The following SH3D19 variants were observed in gnomAD, a reference collection of about 807,000 sequenced individuals.
SH3D19 encodes the protein SH3 domain-containing protein 19.
In SH3D19, 58 loss-of-function variants were observed where a neutral mutation model predicts 112.1. That is an observed-to-expected ratio of 0.52 (90% CI 0.42 to 0.64). The LOEUF (loss-of-function observed/expected upper bound fraction) is 0.64. Among genes scored for constraint, SH3D19 ranks in the 30% least tolerant of loss-of-function variants. SH3D19 has a pLI of 0.00. For missense variants in SH3D19, 1,090 were observed against 1,263.4 expected (o/e 0.86, Z 2.08); for synonymous variants, 391 against 448.5 (o/e 0.87, Z 1.62).
chr4:151,238,491 T>C (rs1240074332), intron 1 of SH3D19, among the ~76,000 whole-genome samples: 2 of 152,242 alleles, frequency 1.3e-5, no homozygotes, highest in Non-Finnish European at 2.9e-5. Flanking sequence ...TTCTCTTCCA[T>C]TAGTTTTGTT....
At chr4:151,304,576 C>T (rs1728758842) in intron 1 of SH3D19, among the ~76,000 whole-genome samples, 1 of 152,192 alleles carries the variant, frequency 6.6e-6, no homozygotes, top group Admixed American at 6.5e-5. Context: ...GCAAAAGTGG[C>T]TAGCTAGAGG....
At chr4:151,255,506 G>A (rs1206794498) in intron 1 of SH3D19, among the ~76,000 whole-genome samples, 3 of 151,612 alleles carry the variant, frequency 2.0e-5, no homozygotes, top group African/African-American at 7.3e-5. Context: ...TCCTAGGTGA[G>A]ATGGCGGCCG....
intron 2 of SH3D19, among the ~76,000 whole-genome samples, chr4:151,222,140 T>C (rs987816913): frequency 2.6e-5 from 4 of 152,222 alleles, no homozygotes; most frequent in Non-Finnish European, 5.9e-5. Flanking sequence ...TGTCAGGAAA[T>C]TCTTCCTCAT....
At chr4:151,198,455 A>G (rs1391793660) in intron 2 of SH3D19, among the ~76,000 whole-genome samples, 1 of 145,624 alleles carries the variant, frequency 6.9e-6, no homozygotes, top group Non-Finnish European at 1.5e-5. Context: ...AAAAATATAT[A>G]TTTATCTTTA....
intron 14 of SH3D19, among the ~76,000 whole-genome samples, chr4:151,135,893 G>A (rs72965652): frequency 0.055 from 8,347 of 152,194 alleles, 700 homozygotes; most frequent in African/African-American, 0.19. Flanking sequence ...TTCTCGGGCT[G>A]AGCACAGTGG....
chr4:151,234,143 T>C (rs887909275), intron 1 of SH3D19, among the ~76,000 whole-genome samples: 3 of 152,198 alleles, frequency 2.0e-5, no homozygotes, highest in Non-Finnish European at 2.9e-5. Flanking sequence ...CTGCTCAACA[T>C]AGTCTTCTCC....
rs1751088901 is a variant in SH3D19, at chr4:151,133,143, A to G, written c.2580T>C (p.Tyr860=). ...CTCCTCTGGCCCATTCCTCATTCAC[A>G]TACTCTTTAAGAATAATAATTTCTC... is the stretch of plus-strand genomic sequence containing the variant. ...SEGEIIILKE[Y]VNEEWARGEV... is the part of the protein sequence containing the mutation. The change falls in exon 16 of 20, where the codon TAT becomes TAC. Residue 860 remains tyrosine (Y), a synonymous_variant. Transcript: ENST00000604030. 1.9e-6 allele frequency: 3 copies of G among 1,613,978 alleles called. No individual in the cohort carries two copies. Among genetic ancestry groups the G allele is most frequent in the African/African-American group, 1.3e-5 (1 of 74,892 alleles).
At chr4:151,137,920 A>T (rs1366828880) in intron 13 of SH3D19, 58 bp from the exon 14 acceptor site, 2 of 1,476,858 alleles carry the variant, frequency 1.4e-6, no homozygotes, top group African/African-American at 2.8e-5. Flanking sequence ...GATTTGATAA[A>T]AGCACAAAGT....
At position 151,175,149 on chromosome 4, in the gene SH3D19, G is replaced by A. The variant is rs563173361; in HGVS notation, c.1055C>T (p.Thr352Ile). The A allele has an allele frequency of 6.2e-7, 1 of 1,614,168 alleles. No individual in the cohort carries two copies. The highest frequency in any genetic ancestry group is 8.5e-7 in the Non-Finnish European group (1 of 1,180,016). ...GGAGGTCACCTTGAGTCTGTTCTCA[G>A]TCCCAGAGTCCCACTCTCCAGAAGC... ...NRASGEWDSG[T>I]ENRLKVTSKE... Residue 352 changes from threonine to isoleucine, a missense_variant, in exon 7 of 20, where the codon ACT becomes ATT. Coordinates refer to ENST00000604030, the MANE Select transcript of SH3D19 (RefSeq NM_001378122.1).
intron 1 of SH3D19, among the ~76,000 whole-genome samples, chr4:151,247,407 T>G (rs1771019622): frequency 6.6e-6 from 1 of 152,242 alleles, no homozygotes; most frequent in South Asian, 2.1e-4. Context: ...ACAACTTCTT[T>G]GTTTCATCAA....
intron 10 of SH3D19, 91 bp from the exon 11 acceptor site, chr4:151,148,277 AC>A: frequency 8.8e-7 from 1 of 1,137,114 alleles, no homozygotes; most frequent in African/African-American, 1.6e-5. Flanking sequence ...ACACACACAC[AC>A]ACACACACAC....
chr4:151,290,940 CTA>C (rs1775270584), intron 1 of SH3D19, among the ~76,000 whole-genome samples: 1 of 152,138 alleles, frequency 6.6e-6, no homozygotes, highest in Non-Finnish European at 1.5e-5. Context: ...AATTTCAATT[CTA>C]TGATTCTAAA....
rs575332488 is a variant in SH3D19 at position 151,319,136 on chromosome 4, C to T, written c.112+6105G>A. On this transcript the variant is annotated intron_variant, in intron 1 of 19. Transcript: ENST00000604030. Reference sequence around the variant, plus strand: ...TGTGATCTCAGTTCACTGCAACATCCACCTCCCTAGCAAGCGATTCTCCTG... The same window carrying T: ...TGTGATCTCAGTTCACTGCAACATCTACCTCCCTAGCAAGCGATTCTCCTG... Among the ~76,000 whole-genome samples, 7 of 152,236 alleles carry T rather than the reference C, an allele frequency of 4.6e-5. No individual in the cohort carries two copies. The South Asian group carries it at 1.2e-3, about 27-fold the overall frequency.
chr4:151,262,160 T>C (rs550583066), intron 1 of SH3D19, among the ~76,000 whole-genome samples: 4 of 152,336 alleles, frequency 2.6e-5, no homozygotes, highest in Admixed American at 2.6e-4. Context: ...GCTCAGCCTT[T>C]AGGTTGTTTC....
chr4:151,176,544 A>T lies in SH3D19; in HGVS notation c.519T>A (p.Asp173Glu). The change falls in exon 6 of 20, where the codon GAT (aspartate) becomes GAA (glutamate). Residue 173 changes from aspartate (D) to glutamate (E), a missense_variant. Transcript: ENST00000604030. ...QTDFSEEIDN[D>E]LPQTLQAPLK... ...AATTACTTGCATTACTTTGAGGCAG[A>T]TCGTTGTCTATTTCTTCTGAAAAGT... The T allele has an allele frequency of 1.6e-6, 2 of 1,232,180 alleles. No homozygotes were observed. Among genetic ancestry groups the T allele is most frequent in the Admixed American group, 8.4e-5 (2 of 23,720 alleles). 76.3% of individuals were successfully genotyped at this position (1,232,180 alleles called of 1,614,324 possible). A position where few individuals can be genotyped will look rare whatever the true frequency, so the allele number is the denominator to read the frequency against.
intron 2 of SH3D19, among the ~76,000 whole-genome samples, chr4:151,195,319 C>T (rs1763262858): frequency 7.5e-6 from 1 of 133,898 alleles, no homozygotes; most frequent in Admixed American, 8.9e-5. Context: ...GTGCAGTGAG[C>T]CCAGATCGCC....
chr4:151,182,123 G>A (rs753094092), intron 3 of SH3D19, among the ~76,000 whole-genome samples: 1 of 151,926 alleles, frequency 6.6e-6, no homozygotes, highest in African/African-American at 2.4e-5. Flanking sequence ...TGAGTAGCTG[G>A]GACTACAGGC....
At chr4:151,149,170 T>C (rs1167741453) in intron 10 of SH3D19, among the ~76,000 whole-genome samples, 1 of 152,192 alleles carries the variant, frequency 6.6e-6, no homozygotes, top group Non-Finnish European at 1.5e-5. Context: ...CCTTCGGAAA[T>C]GCCAAAAACC....
At chr4:151,178,701 C>T (rs1455044262) in intron 4 of SH3D19, among the ~76,000 whole-genome samples, 1 of 152,052 alleles carries the variant, frequency 6.6e-6, no homozygotes, top group East Asian at 1.9e-4. Context: ...TGAAGTCCTT[C>T]ATTATTCTAT....
Sources: allele counts gnomAD v4.1 joint callset (sites outside exome capture counted in the v4.1 genomes callset), GRCh38; gene constraint gnomAD v4.1.1; transcripts MANE v1.5; gene names NCBI Gene and HGNC (gene_info 2026-07-23, HGNC 2026-07-21).